Variants in KIAA0825 observed in about 807,000 individuals in gnomAD.
KIAA0825 encodes uncharacterized protein KIAA0825.
KIAA0825 carries 119 observed loss-of-function variants against 147.6 expected under a neutral mutation model. That is an observed-to-expected ratio of 0.81 (90% CI 0.69 to 0.94). The LOEUF (loss-of-function observed/expected upper bound fraction) is 0.94. KIAA0825 is among the 40% of genes least tolerant of loss of function. The pLI, the probability that KIAA0825 is intolerant of heterozygous loss-of-function variation, is 0.00. For synonymous variants in KIAA0825, 470 were observed against 518.1 expected (o/e 0.91, Z 1.26); for missense variants, 1,381 against 1,472.7 (o/e 0.94, Z 1.02).
At chr5:94,203,959 C>A (rs144615756) in intron 20 of KIAA0825, among the ~76,000 whole-genome samples, 1 of 152,164 alleles carries the variant, frequency 6.6e-6, no homozygotes, top group South Asian at 2.1e-4. Flanking sequence ...ATTATAGCTA[C>A]GCAAACAGAA....
intron 20 of KIAA0825, among the ~76,000 whole-genome samples, chr5:94,169,617 T>C (rs1562293350): frequency 6.6e-6 from 1 of 151,236 alleles, no homozygotes; most frequent in African/African-American, 2.4e-5. Context: ...GACAACTTTG[T>C]ATGGTTGATG....
At chr5:94,446,988 G>A (rs1164983523) in intron 13 of KIAA0825, among the ~76,000 whole-genome samples, 1 of 152,026 alleles carries the variant, frequency 6.6e-6, no homozygotes, top group Non-Finnish European at 1.5e-5. Context: ...GTGTGTAGGA[G>A]AGCAAAAAGG....
At chr5:94,277,590 T>C (rs1777277534) in intron 20 of KIAA0825, among the ~76,000 whole-genome samples, 1 of 152,232 alleles carries the variant, frequency 6.6e-6, no homozygotes, top group Non-Finnish European at 1.5e-5. Flanking sequence ...TGGTGATCAT[T>C]AAAAACTCAG....
intron 20 of KIAA0825, among the ~76,000 whole-genome samples, chr5:94,276,589 G>A (rs1777232475): frequency 6.6e-6 from 1 of 152,062 alleles, no homozygotes; most frequent in Admixed American, 6.6e-5. Flanking sequence ...ATTATTAATT[G>A]GTGAGACCGT....
At position 94,391,665 on chromosome 5, in the gene KIAA0825, G is replaced by T. The variant is rs1203683106; in HGVS notation, c.3326C>A (p.Ala1109Asp). 6.5e-7 allele frequency: 1 copy of T among 1,549,214 alleles called. No individual in the cohort carries two copies. Among genetic ancestry groups the T allele is most frequent in the Non-Finnish European group, 8.7e-7 (1 of 1,145,780 alleles). The change falls in exon 18 of 21, where the codon GCC (alanine) becomes GAC (aspartate). Residue 1109 changes from alanine (A) to aspartate (D), a missense_variant. Ala to Asp is a moderately radical substitution (Grantham distance 126). Coordinates refer to ENST00000682413, the MANE Select transcript of KIAA0825 (RefSeq NM_001145678.3). The stretch of plus-strand genomic sequence containing the variant: ...AAGAGCAACATCTCCTTCTTGTAAG[G>T]CCGTGCTTTTCTCTATTGTCATAAA... ...CAFMTIEKST[A>D]LQEGDVALEL...
intron 8 of KIAA0825, 106 bp from the exon 9 acceptor site, chr5:94,471,837 T>C: frequency 1.0e-6 from 1 of 1,001,408 alleles, no homozygotes; most frequent in East Asian, 2.6e-5. Context: ...GCATCAAACA[T>C]AAATATAATG....
At chr5:94,270,717 A>G (rs1156792561) in intron 20 of KIAA0825, among the ~76,000 whole-genome samples, 1 of 152,172 alleles carries the variant, frequency 6.6e-6, no homozygotes, top group African/African-American at 2.4e-5. Flanking sequence ...AAGTAAGGAT[A>G]ACTCATTTTA....
intron 14 of KIAA0825, among the ~76,000 whole-genome samples, chr5:94,429,727 C>G (rs1328135037): frequency 1.3e-5 from 2 of 152,300 alleles, no homozygotes; most frequent in African/African-American, 4.8e-5. Context: ...TACAGGTTCC[C>G]CGATGTCAGG....
At chr5:94,563,449 T>C (rs1381685015) in intron 2 of KIAA0825, among the ~76,000 whole-genome samples, 1 of 152,122 alleles carries the variant, frequency 6.6e-6, no homozygotes, top group African/African-American at 2.4e-5. Context: ...AAACTGATGT[T>C]CTTGACAGGT....
intron 20 of KIAA0825, among the ~76,000 whole-genome samples, chr5:94,331,024 G>C (rs1345527173): frequency 1.3e-5 from 2 of 151,948 alleles, no homozygotes; most frequent in Non-Finnish European, 2.9e-5. Flanking sequence ...TGTAATCCTA[G>C]CTACTCAGGA....
chr5:94,487,157 T>C (rs1190780976), intron 5 of KIAA0825, among the ~76,000 whole-genome samples: 1 of 152,210 alleles, frequency 6.6e-6, no homozygotes, highest in Admixed American at 6.5e-5. Context: ...TAGAAGAATC[T>C]TGTATTCCAG....
At chr5:94,164,203 CCT>C (rs1252434817) in intron 20 of KIAA0825, among the ~76,000 whole-genome samples, 2 of 151,964 alleles carry the variant, frequency 1.3e-5, no homozygotes, top group African/African-American at 2.4e-5. Flanking sequence ...ACAAAACAAT[CCT>C]AAAGTTTATA....
intron 20 of KIAA0825, among the ~76,000 whole-genome samples, chr5:94,301,697 T>C (rs1045062097): frequency 1.3e-5 from 2 of 152,120 alleles, no homozygotes; most frequent in Admixed American, 6.6e-5. Context: ...AGAAGAGGCA[T>C]GTGTGTGGGT....
At chr5:94,207,724 G>C (rs553494203) in intron 20 of KIAA0825, among the ~76,000 whole-genome samples, 5 of 152,226 alleles carry the variant, frequency 3.3e-5, no homozygotes, top group African/African-American at 9.6e-5. Flanking sequence ...CAAGAACCTG[G>C]ATAAAACTGA....
chr5:94,582,042 A>G (rs1338995255), intron 2 of KIAA0825, among the ~76,000 whole-genome samples: 2 of 152,154 alleles, frequency 1.3e-5, no homozygotes, highest in Non-Finnish European at 2.9e-5. Context: ...AAAGGGTAAC[A>G]GAAATATGAA....
chr5:94,586,802 T>G (rs1390071361), intron 1 of KIAA0825, among the ~76,000 whole-genome samples: 1 of 152,196 alleles, frequency 6.6e-6, no homozygotes, highest in East Asian at 1.9e-4. Flanking sequence ...AATAAAAAAC[T>G]GGCAAACTGA....
chr5:94,411,700 G>A (rs1752788738), intron 15 of KIAA0825, among the ~76,000 whole-genome samples: 1 of 152,194 alleles, frequency 6.6e-6, no homozygotes, highest in Admixed American at 6.5e-5. Flanking sequence ...TGTAATCCCA[G>A]CACTTTGGGA....
At position 94,452,958 on chromosome 5, in the gene KIAA0825, C is replaced by A. The variant is rs763220658; in HGVS notation, c.2357+1G>T. The stretch of plus-strand genomic sequence containing the variant: ...ATAGTATGGCATTTAGAGGCTCTCA[C>A]CTGAGTAAAGAAGGGTAGAAATGTG... On this transcript the variant is annotated splice_donor_variant, in intron 13 of 20. Coordinates refer to ENST00000682413, the MANE Select transcript of KIAA0825 (RefSeq NM_001145678.3). LOFTEE classifies it high-confidence loss of function. 6.9e-7 allele frequency: 1 copy of A among 1,453,904 alleles called. No individual in the cohort carries two copies. Among genetic ancestry groups the A allele is most frequent in the Non-Finnish European group, 9.2e-7 (1 of 1,086,566 alleles). The allele number at this position is 1,453,904 out of a possible 1,614,324, so 90.1% of individuals were successfully genotyped here.
At chr5:94,613,469 G>C (rs1472619441) in intron 1 of KIAA0825, among the ~76,000 whole-genome samples, 2 of 152,214 alleles carry the variant, frequency 1.3e-5, no homozygotes, top group African/African-American at 4.8e-5. Flanking sequence ...AAAGTGCTGG[G>C]ATTACAGGCA....
Sources: gnomAD v4.1 joint callset for allele counts (sites outside exome capture counted in the v4.1 genomes callset) on GRCh38, gnomAD v4.1.1 for gene constraint, MANE v1.5 for transcripts, NCBI Gene and HGNC (gene_info 2026-07-23, HGNC 2026-07-21) for gene names.